GSE1: variants seen among roughly 807,000 people sequenced by gnomAD.
GSE1 encodes genetic suppressor element 1.
GSE1 carries 32 observed loss-of-function variants against 112.6 expected under a neutral mutation model. The observed-to-expected ratio is 0.28, with a 90% CI of 0.21 to 0.38. The LOEUF (loss-of-function observed/expected upper bound fraction) is 0.38, where lower values mean the gene tolerates loss of function less well. GSE1 is among the 10% of genes least tolerant of loss of function. The pLI is 1.00. For synonymous variants in GSE1, 1,115 were observed against 735.6 expected (o/e 1.52, Z -8.35); for missense variants, 2,348 against 1,699.2 (o/e 1.38, Z -6.71).
chr16:85,248,821 G>T (rs999510158), intron 1 of GSE1, among the ~76,000 whole-genome samples: 2 of 152,218 alleles, frequency 1.3e-5, no homozygotes, highest in Non-Finnish European at 2.9e-5. Flanking sequence ...GGTCCAGGCT[G>T]AGGTCCTGGG....
rs532265235 is a variant in GSE1 at position 85,284,178 on chromosome 16, G to A, written c.2284-73285G>A. ...AGAAGGCCCGGCGGGTCGGGAGGCCGGGAGAATTGAGAATCTGCCCGGCGG... is the reference window on the plus strand; with the variant it reads ...AGAAGGCCCGGCGGGTCGGGAGGCCAGGAGAATTGAGAATCTGCCCGGCGG... On this transcript the variant is annotated intron_variant, in intron 1 of 2. Transcript: ENST00000637419. Among the ~76,000 whole-genome samples, 6 of 152,324 alleles carry A rather than the reference G, an allele frequency of 3.9e-5. No individual in the cohort carries two copies. The South Asian group carries it at 1.2e-3, about 32-fold the overall frequency.
chr16:85,495,018 C>T (rs1440008601), intron 2 of GSE1, among the ~76,000 whole-genome samples: 1 of 152,228 alleles, frequency 6.6e-6, no homozygotes, highest in Non-Finnish European at 1.5e-5. Flanking sequence ...CTGGGTCCGG[C>T]CCGGCCCAGG....
intron 2 of GSE1, among the ~76,000 whole-genome samples, chr16:85,540,454 T>G (rs554279171): frequency 1.2e-4 from 18 of 152,350 alleles, no homozygotes; most frequent in African/African-American, 4.1e-4. Context: ...TGCCTGAGGC[T>G]TGGCTTTGTG....
intron 1 of GSE1, among the ~76,000 whole-genome samples, chr16:85,581,802 C>T (rs1379300644): frequency 6.6e-6 from 1 of 152,158 alleles, no homozygotes; most frequent in Non-Finnish European, 1.5e-5. Context: ...GGGGTCTACA[C>T]CCAGGGCTGC....
chr16:85,267,116 G>T (rs1248283017), intron 1 of GSE1, among the ~76,000 whole-genome samples: 1 of 152,182 alleles, frequency 6.6e-6, no homozygotes, highest in Non-Finnish European at 1.5e-5. Context: ...CACGAGCCTT[G>T]GTGGGAAATG....
chr16:85,576,302 G>A (rs1214853407), intron 1 of GSE1, among the ~76,000 whole-genome samples: 1 of 152,200 alleles, frequency 6.6e-6, no homozygotes, highest in Non-Finnish European at 1.5e-5. Context: ...CATGGTCTCC[G>A]ATGTAACTGG....
intron 2 of GSE1, among the ~76,000 whole-genome samples, chr16:85,476,815 G>C (rs2050470963): frequency 6.8e-6 from 1 of 146,770 alleles, no homozygotes; most frequent in Non-Finnish European, 1.5e-5. Flanking sequence ...GTTTCACTGT[G>C]TTGCCCCAGC....
In GSE1 at chr16:85,188,572, C is replaced by T. The variant is rs118121580; in HGVS notation, c.2283+16765C>T. Among the ~76,000 whole-genome samples, 1,125 of 152,082 alleles carry T rather than the reference C, an allele frequency of 7.4e-3. 2 individuals are homozygous for T. The highest frequency in any genetic ancestry group is 0.013 in the Non-Finnish European group (855 of 67,982). ...CTCCCAGCACTTTGGGAGGCTAAGG[C>T]AGGAGGATCACTTGAGGCCGGGAGT... On this transcript the variant is annotated intron_variant, in intron 1 of 2. Transcript: ENST00000637419.
chr16:85,427,607 A>T (rs1165218902), intron 2 of GSE1, among the ~76,000 whole-genome samples: 2 of 152,106 alleles, frequency 1.3e-5, no homozygotes, highest in African/African-American at 4.8e-5. Flanking sequence ...GCGCCACTGC[A>T]CTCCAGTCTG....
At chr16:85,350,955 T>A (rs1292718177) in intron 1 of GSE1, among the ~76,000 whole-genome samples, 1 of 152,200 alleles carries the variant, frequency 6.6e-6, no homozygotes, top group Non-Finnish European at 1.5e-5. Context: ...AATTATTGCA[T>A]TTTTAGTAGA....
chr16:85,600,487 G>C (rs778427741), intron 1 of GSE1, among the ~76,000 whole-genome samples: 1 of 152,034 alleles, frequency 6.6e-6, no homozygotes, highest in Non-Finnish European at 1.5e-5. Context: ...GGCTAGTGTT[G>C]AGAGGCAGTG....
At chr16:85,438,639 C>T (rs1354715331) in intron 2 of GSE1, among the ~76,000 whole-genome samples, 2 of 152,218 alleles carry the variant, frequency 1.3e-5, no homozygotes, top group Non-Finnish European at 2.9e-5. Context: ...CAAGCAGTTG[C>T]TTCCAGAGCC....
At chr16:85,538,595 A>G (rs2044413295) in intron 2 of GSE1, among the ~76,000 whole-genome samples, 1 of 151,914 alleles carries the variant, frequency 6.6e-6, no homozygotes, top group Non-Finnish European at 1.5e-5. Context: ...GCCCTGGGGG[A>G]GCCAGCCTTG....
At chr16:85,515,001 A>G (rs886781159) in intron 2 of GSE1, among the ~76,000 whole-genome samples, 1 of 152,090 alleles carries the variant, frequency 6.6e-6, no homozygotes, top group Non-Finnish European at 1.5e-5. Flanking sequence ...GTGCAGTTGT[A>G]CCCATGGGCA....
chr16:85,215,930 G>C (rs983452924), intron 1 of GSE1, among the ~76,000 whole-genome samples: 2 of 152,194 alleles, frequency 1.3e-5, no homozygotes, highest in Admixed American at 1.3e-4. Flanking sequence ...TCAGTCACCT[G>C]GAGGCCTGTC....
At chr16:85,211,987 T>C (rs1288382970) in intron 1 of GSE1, among the ~76,000 whole-genome samples, 1 of 152,262 alleles carries the variant, frequency 6.6e-6, no homozygotes, top group Admixed American at 6.5e-5. Context: ...AAATGGTTTC[T>C]GACTGGGGGA....
chr16:85,452,901 G>A (rs572162296), intron 2 of GSE1, among the ~76,000 whole-genome samples: 5 of 151,546 alleles, frequency 3.3e-5, no homozygotes, highest in African/African-American at 9.8e-5. Context: ...TGGGGGACTG[G>A]GTGGTCGCTC....
chr16:85,636,693 G>T (rs1009781888), intron 2 of GSE1, among the ~76,000 whole-genome samples: 5 of 152,370 alleles, frequency 3.3e-5, no homozygotes, highest in East Asian at 1.9e-4. Flanking sequence ...CTTCCCGGGG[G>T]GGGGCTGGGA....
intron 1 of GSE1, among the ~76,000 whole-genome samples, chr16:85,336,159 C>T (rs1279380228): frequency 6.6e-6 from 1 of 152,234 alleles, no homozygotes; most frequent in Non-Finnish European, 1.5e-5. Flanking sequence ...TCCAGGGTCA[C>T]CAGGGGCTGA....
Sources: allele counts gnomAD v4.1 joint callset (sites outside exome capture counted in the v4.1 genomes callset), GRCh38; gene constraint gnomAD v4.1.1; transcripts MANE v1.5; gene names NCBI Gene and HGNC (gene_info 2026-07-23, HGNC 2026-07-21).